Variants in MALRD1 observed in about 807,000 individuals in gnomAD.
The protein encoded by MALRD1 is MAM and LDL receptor class A domain containing 1.
A neutral mutation model predicts 242.1 loss-of-function variants in MALRD1; 247 were observed. That is an observed-to-expected ratio of 1.02 (90% CI 0.92 to 1.13). The LOEUF (loss-of-function observed/expected upper bound fraction) is 1.13, where lower values mean the gene tolerates loss of function less well. MALRD1 is among the 50% of genes most tolerant of loss of function. The probability of loss-of-function intolerance (pLI) is 0.00; values close to 1 mark genes in which losing one functional copy is unlikely to be tolerated. For synonymous variants in MALRD1, 995 were observed against 866.6 expected, an observed-to-expected ratio of 1.15 and a Z score of -2.60; for missense variants, 2,989 against 2,533.1, an observed-to-expected ratio of 1.18 and a Z score of -3.86.
intron 29 of MALRD1, among the ~76,000 whole-genome samples, chr10:19,469,175 A>G (rs1836371855): frequency 6.6e-6 from 1 of 152,080 alleles, no homozygotes; most frequent in South Asian, 2.1e-4. Context: ...ATACACATAA[A>G]AGAGTATTTT....
chr10:19,124,711 A>G, intron 7 of MALRD1, 41 bp downstream of exon 7: 2 of 1,229,300 alleles, frequency 1.6e-6, no homozygotes, highest in Non-Finnish European at 2.0e-6. Flanking sequence ...TACTTTCAGA[A>G]TTCTGCTTTA....
chr10:19,114,935 G>T (rs992414795), intron 5 of MALRD1, among the ~76,000 whole-genome samples: 1 of 152,040 alleles, frequency 6.6e-6, no homozygotes, highest in East Asian at 1.9e-4. Flanking sequence ...TCTAGTTTAA[G>T]TACACCAGCC....
chr10:19,490,375 A>G lies in MALRD1; in HGVS notation c.5030-1142A>G, dbSNP rs552615279. Among the ~76,000 whole-genome samples the G allele has an allele frequency of 2.6e-5, 4 of 152,226 alleles. No individual in the cohort carries two copies. The South Asian group carries it at 6.2e-4, about 24-fold the overall frequency. Reference sequence around the variant, plus strand: ...AATCTTAAAAACCATGTGAAGGGACATAAACCCGGTCGATTAAATCTGGAA... The same window carrying G: ...AATCTTAAAAACCATGTGAAGGGACGTAAACCCGGTCGATTAAATCTGGAA... On this transcript the variant is annotated intron_variant, in intron 29 of 39. Coordinates refer to ENST00000454679, the MANE Select transcript of MALRD1 (RefSeq NM_001142308.3).
intron 2 of MALRD1, among the ~76,000 whole-genome samples, chr10:19,069,726 A>G (rs1432868126): frequency 6.8e-6 from 1 of 148,078 alleles, no homozygotes; most frequent in Non-Finnish European, 1.5e-5. Context: ...GTCTTCACCT[A>G]GTTTCTACTG....
chr10:19,410,679 C>CT (rs58147034), intron 28 of MALRD1, among the ~76,000 whole-genome samples: 87,211 of 132,842 alleles, frequency 0.66, 28,866 homozygotes, highest in Non-Finnish European at 0.7. Context: ...TCCTTCCTTC[C>CT]TTTTTTTTTT....
intron 24 of MALRD1, among the ~76,000 whole-genome samples, chr10:19,332,902 C>G (rs1195415991): frequency 6.6e-6 from 1 of 152,082 alleles, no homozygotes. Context: ...ACTTTAAGTT[C>G]TCGGGTACAT....
intron 29 of MALRD1, among the ~76,000 whole-genome samples, chr10:19,478,592 T>C (rs1372619680): frequency 1.3e-5 from 2 of 151,768 alleles, no homozygotes; most frequent in East Asian, 1.9e-4. Context: ...TTCTTTTCTT[T>C]CCTTGCAATT....
chr10:19,371,935 A>C (rs1384704979), intron 26 of MALRD1, among the ~76,000 whole-genome samples: 1 of 152,172 alleles, frequency 6.6e-6, no homozygotes, highest in Non-Finnish European at 1.5e-5. Flanking sequence ...GAATTCCCAC[A>C]GATATGAGTA....
intron 14 of MALRD1, among the ~76,000 whole-genome samples, chr10:19,196,532 CTTTGT>C (rs1836259991): frequency 2.4e-5 from 2 of 83,642 alleles, no homozygotes; most frequent in African/African-American, 1.1e-4. Flanking sequence ...GGGCACCACT[CTTTGT>C]TTTTTTTTTT....
intron 33 of MALRD1, among the ~76,000 whole-genome samples, chr10:19,586,058 C>T (rs1451316714): frequency 2.6e-5 from 4 of 152,164 alleles, no homozygotes; most frequent in Non-Finnish European, 1.5e-5. Flanking sequence ...AGTTTTCGAG[C>T]CTTGGTTTTC....
chr10:19,487,775 G>A (rs938247714), intron 29 of MALRD1, among the ~76,000 whole-genome samples: 18 of 152,062 alleles, frequency 1.2e-4, no homozygotes, highest in African/African-American at 3.4e-4. Context: ...TTAAGTCTTT[G>A]TCTTGTTAAT....
chr10:19,718,457 C>A (rs914221265), intron 38 of MALRD1, among the ~76,000 whole-genome samples: 2 of 152,160 alleles, frequency 1.3e-5, no homozygotes, highest in Non-Finnish European at 2.9e-5. Flanking sequence ...GTCCCACACA[C>A]TTTTAAACAA....
chr10:19,367,308 T>A (rs1246309655), intron 26 of MALRD1, among the ~76,000 whole-genome samples: 1 of 152,098 alleles, frequency 6.6e-6, no homozygotes. Context: ...TGTTCTACTG[T>A]TTACTTCTAG....
intron 39 of MALRD1, among the ~76,000 whole-genome samples, chr10:19,732,671 A>T (rs1189056769): frequency 6.6e-6 from 1 of 152,186 alleles, no homozygotes; most frequent in African/African-American, 2.4e-5. Context: ...TGTTTTTTGT[A>T]TTAGTGCCTC....
intron 24 of MALRD1, among the ~76,000 whole-genome samples, chr10:19,342,233 G>A (rs887194611): frequency 6.6e-6 from 1 of 152,116 alleles, no homozygotes; most frequent in Non-Finnish European, 1.5e-5. Flanking sequence ...TAGTACACCA[G>A]TGTGCATTAT....
intron 15 of MALRD1, 43 bp downstream of exon 15, chr10:19,203,923 T>C (rs1278995292): frequency 1.3e-6 from 2 of 1,547,560 alleles, no homozygotes; most frequent in South Asian, 1.2e-5. Flanking sequence ...CTATTTACTG[T>C]TTAGTTAGAC....
chr10:19,337,248 C>T (rs750382771), intron 24 of MALRD1, among the ~76,000 whole-genome samples: 1 of 151,996 alleles, frequency 6.6e-6, no homozygotes, highest in Non-Finnish European at 1.5e-5. Context: ...TGTAAAATTA[C>T]ACAGCTTGTT....
chr10:19,277,439 C>A (rs1490245264), intron 19 of MALRD1, among the ~76,000 whole-genome samples: 1 of 152,160 alleles, frequency 6.6e-6, no homozygotes, highest in Non-Finnish European at 1.5e-5. Context: ...TCCTCTTATT[C>A]ATTCCTTCCC....
rs539357034 is a variant in MALRD1, at chr10:19,142,678, C to A, written c.1412-3520C>A. On this transcript the variant is annotated intron_variant, in intron 10 of 39. Coordinates refer to ENST00000454679, the MANE Select transcript of MALRD1 (RefSeq NM_001142308.3). ...GTTAAAATAAAGGCAACTAAGTAAT[C>A]AAAATCATTGTTTTAATGAAAGTAC... is the stretch of plus-strand genomic sequence containing the variant. Among the ~76,000 whole-genome samples the A allele has an allele frequency of 1.5e-4, 23 of 152,240 alleles. No homozygotes were observed. In the South Asian group the frequency reaches 4.8e-3, roughly 32 times the overall value.
Sources: allele counts gnomAD v4.1 joint callset (sites outside exome capture counted in the v4.1 genomes callset), GRCh38; gene constraint gnomAD v4.1.1; transcripts MANE v1.5; gene names NCBI Gene and HGNC (gene_info 2026-07-23, HGNC 2026-07-21).